The following ATP2B1 variants were observed in gnomAD, a reference collection of about 807,000 sequenced individuals.
ATP2B1 encodes the protein ATPase plasma membrane Ca2+ transporting 1.
A neutral mutation model predicts 124.2 loss-of-function variants in ATP2B1; 14 were observed. The observed-to-expected ratio is 0.11, with a 90% CI of 0.07 to 0.18. The LOEUF (loss-of-function observed/expected upper bound fraction) is 0.18, where lower values mean the gene tolerates loss of function less well. ATP2B1 is among the 10% of genes least tolerant of loss of function. ATP2B1 has a pLI of 1.00. For synonymous variants in ATP2B1, 449 were observed against 492.4 expected (o/e 0.91, Z 1.17); for missense variants, 763 against 1,466.1 (o/e 0.52, Z 7.83).
At chr12:89,695,247 A>G (rs1300813611) in intron 1 of ATP2B1, among the ~76,000 whole-genome samples, 1 of 152,012 alleles carries the variant, frequency 6.6e-6, no homozygotes, top group Non-Finnish European at 1.5e-5. Context: ...GCACACACTT[A>G]CACTGGTTCT....
chr12:89,659,850 G>T (rs1277076047), intron 1 of ATP2B1, among the ~76,000 whole-genome samples: 1 of 150,550 alleles, frequency 6.6e-6, no homozygotes, highest in Non-Finnish European at 1.5e-5. Context: ...GTGAACCCAG[G>T]AGGCAGAGCT....
intron 1 of ATP2B1, among the ~76,000 whole-genome samples, chr12:89,697,067 A>C (rs75568179): frequency 9.7e-3 from 32 of 3,306 alleles, no homozygotes; most frequent in Non-Finnish European, 0.039. Flanking sequence ...CTTCCTTCAA[A>C]AAAAAAAAAA....
chr12:89,697,670 C>CTTT (rs56837729), intron 1 of ATP2B1, among the ~76,000 whole-genome samples: 1 of 131,318 alleles, frequency 7.6e-6, no homozygotes, highest in Non-Finnish European at 1.6e-5. Context: ...ATCCAAAAGG[C>CTTT]TTTTTTTTTT....
Position 89,603,491 on chromosome 12 carries a change from G to C in ATP2B1, c.2848+221C>G. 1.6e-6 allele frequency: 1 copy of C among 633,756 alleles called. No individual in the cohort carries two copies. 39.3% of individuals were successfully genotyped at this position (633,756 alleles called of 1,614,324 possible). A position where few individuals can be genotyped will look rare whatever the true frequency, so the allele number is the denominator to read the frequency against. On this transcript the variant is annotated intron_variant, in intron 17 of 20. Transcript: ENST00000428670. The surrounding 1 kb of genome is among the most constrained non-coding windows in gnomAD (Gnocchi z 4.3). ...CATATCTAAATTAGTGGAGAGCCAG[G>C]GTAAGACATCAGGACTGTTTATTCT...
chr12:89,641,280 A>T (rs988595155), intron 3 of ATP2B1, among the ~76,000 whole-genome samples: 1 of 152,240 alleles, frequency 6.6e-6, no homozygotes, highest in Non-Finnish European at 1.5e-5. Flanking sequence ...ATTTGTAGCC[A>T]CAAGTTAAAG....
chr12:89,628,852 C>T (rs1226241842), intron 6 of ATP2B1, among the ~76,000 whole-genome samples: 1 of 152,062 alleles, frequency 6.6e-6, no homozygotes, highest in East Asian at 1.9e-4. Flanking sequence ...TTTGGAGAGA[C>T]CAGACGGCCA....
At chr12:89,610,352 T>C (rs1211268576) in intron 14 of ATP2B1, 69 bp downstream of exon 14, 4 of 1,282,864 alleles carry the variant, frequency 3.1e-6, no homozygotes, top group Non-Finnish European at 4.5e-6. Flanking sequence ...TCAGTATCTA[T>C]TACTATTCTG....
rs186288373 is a variant in ATP2B1, at chr12:89,626,257, C to T, written c.1129+197G>A. ...ACAGACTTAGGCACTAATCCTAACCCGACCACTTATTAGCAAATTATAAGT... is the reference window on the plus strand; with the variant it reads ...ACAGACTTAGGCACTAATCCTAACCTGACCACTTATTAGCAAATTATAAGT... On this transcript the variant is annotated intron_variant, in intron 8 of 20. Transcript: ENST00000428670. Among the ~76,000 whole-genome samples the T allele has an allele frequency of 2.4e-4, 37 of 152,278 alleles. 1 individual carries two copies. The highest frequency in any genetic ancestry group is 7.9e-4 in the African/African-American group (33 of 41,562).
intron 2 of ATP2B1, among the ~76,000 whole-genome samples, chr12:89,653,190 AC>A (rs1885482454): frequency 1.3e-5 from 2 of 152,212 alleles, no homozygotes; most frequent in African/African-American, 4.8e-5. Context: ...ACTAGGAAGA[AC>A]ATGAGCAAAA....
At chr12:89,651,649 T>G (rs1330278071) in intron 2 of ATP2B1, among the ~76,000 whole-genome samples, 2 of 152,062 alleles carry the variant, frequency 1.3e-5, no homozygotes, top group South Asian at 2.1e-4. Flanking sequence ...TTCCAAAAAT[T>G]TTTTCCCCTA....
intron 1 of ATP2B1, among the ~76,000 whole-genome samples, chr12:89,673,566 T>C (rs1462369071): frequency 6.6e-6 from 1 of 152,168 alleles, no homozygotes; most frequent in African/African-American, 2.4e-5. Context: ...ATTAGATACA[T>C]TGCTATCAAC....
intron 1 of ATP2B1, among the ~76,000 whole-genome samples, chr12:89,701,206 A>G (rs1303516727): frequency 6.6e-6 from 1 of 152,188 alleles, no homozygotes; most frequent in Non-Finnish European, 1.5e-5. Context: ...AACGGCAGCA[A>G]TGATATGATG....
At chr12:89,601,092 TAAAAAAACAC>T (rs1481607445) in intron 19 of ATP2B1, among the ~76,000 whole-genome samples, 1 of 151,980 alleles carries the variant, frequency 6.6e-6, no homozygotes, top group Non-Finnish European at 1.5e-5. Context: ...AAAAACAAGT[TAAAAAAACAC>T]ATAAAAAGTT....
At chr12:89,636,819 C>T (rs1438458170) in intron 3 of ATP2B1, among the ~76,000 whole-genome samples, 1 of 152,172 alleles carries the variant, frequency 6.6e-6, no homozygotes, top group African/African-American at 2.4e-5. Context: ...GAACCCCCTC[C>T]AACACAAATA....
At chr12:89,649,007 G>A (rs1409986138) in intron 2 of ATP2B1, among the ~76,000 whole-genome samples, 2 of 152,238 alleles carry the variant, frequency 1.3e-5, no homozygotes, top group African/African-American at 4.8e-5. Flanking sequence ...AGGAGGCTTG[G>A]CAGTTTTCCC....
At chr12:89,605,203 T>C (rs1876599891) in intron 15 of ATP2B1, among the ~76,000 whole-genome samples, 1 of 152,128 alleles carries the variant, frequency 6.6e-6, no homozygotes, top group Admixed American at 6.5e-5. Flanking sequence ...AGGCAGTAAT[T>C]AGAAGGGAGT....
At chr12:89,658,762 CA>C (rs1024448466) in intron 1 of ATP2B1, among the ~76,000 whole-genome samples, 4 of 152,128 alleles carry the variant, frequency 2.6e-5, no homozygotes, top group African/African-American at 7.2e-5. Context: ...AAATGCCCTT[CA>C]GGGGTTGAGT....
intron 5 of ATP2B1, among the ~76,000 whole-genome samples, chr12:89,634,339 G>C (rs1209949292): frequency 6.6e-6 from 1 of 152,134 alleles, no homozygotes; most frequent in Non-Finnish European, 1.5e-5. Context: ...GATTTTACCA[G>C]TTCTTAAGAA....
At chr12:89,697,960 C>T (rs1891370122) in intron 1 of ATP2B1, among the ~76,000 whole-genome samples, 1 of 152,064 alleles carries the variant, frequency 6.6e-6, no homozygotes, top group South Asian at 2.1e-4. Flanking sequence ...ACTACCTCCG[C>T]CTCCTGGGCT....
Sources: allele counts gnomAD v4.1 joint callset (sites outside exome capture counted in the v4.1 genomes callset), GRCh38; gene constraint gnomAD v4.1.1; non-coding constraint Gnocchi (gnomAD v3.1); transcripts MANE v1.5; gene names NCBI Gene and HGNC (gene_info 2026-07-23, HGNC 2026-07-21).